The following HLCS variants were observed in gnomAD, a reference collection of about 807,000 sequenced individuals.
The protein encoded by HLCS is biotin--protein ligase.
HLCS carries 53 observed loss-of-function variants against 75.0 expected under a neutral mutation model. The ratio of observed to expected loss-of-function variants is 0.71; its 90% CI spans 0.57 to 0.89. The LOEUF (loss-of-function observed/expected upper bound fraction) is 0.89. HLCS is among the 40% of genes least tolerant of loss of function. HLCS has a pLI of 0.00. For synonymous variants in HLCS, 431 were observed against 428.6 expected (o/e 1.01, Z -0.07); for missense variants, 966 against 1,074.0 (o/e 0.90, Z 1.41).
intron 6 of HLCS, among the ~76,000 whole-genome samples, chr21:36,848,043 A>G (rs1374501670): frequency 6.6e-6 from 1 of 152,200 alleles, no homozygotes; most frequent in Non-Finnish European, 1.5e-5. Context: ...CACCAAGAAC[A>G]GCTTCTATTT....
At chr21:36,936,326 C>T (rs2066875287) in intron 4 of HLCS, 123 bp downstream of exon 4, 1 of 911,604 alleles carries the variant, frequency 1.1e-6, no homozygotes, top group African/African-American at 1.6e-5. Flanking sequence ...AGCCAATAGT[C>T]AAAAACAGCC....
intron 6 of HLCS, among the ~76,000 whole-genome samples, chr21:36,801,931 G>T (rs2061215569): frequency 6.6e-6 from 1 of 151,904 alleles, no homozygotes; most frequent in Non-Finnish European, 1.5e-5. Context: ...ACTGCATTCA[G>T]CATTGATCTT....
chr21:36,765,021 G>C lies in HLCS; in HGVS notation c.2112C>G (p.Pro704=), dbSNP rs762221640. 3 of 1,614,056 alleles carry C rather than the reference G, an allele frequency of 1.9e-6. No individual in the cohort carries two copies. The highest frequency in any genetic ancestry group is 1.7e-6 in the Non-Finnish European group (2 of 1,180,030). The change falls in exon 8 of 11, where the codon CCC becomes CCG. Residue 704 remains proline (P), a synonymous_variant. Coordinates refer to ENST00000674895, the MANE Select transcript of HLCS (RefSeq NM_001352514.2). ...VAVVEAVRSI[P]EYQDINLRVK... ...ACTGAACTGTACCTACCTGATACTC[G>C]GGAATGGACCTCACTGCTTCCACGA...
In HLCS at chr21:36,749,678, G is replaced by T. The variant is rs561170976; in HGVS notation, c.*4568C>A. 1 of 152,132 alleles carries T rather than the reference G, an allele frequency of 6.6e-6. No homozygotes were observed. Among genetic ancestry groups the T allele is most frequent in the Non-Finnish European group, 1.5e-5 (1 of 68,020 alleles). 9.4% of individuals were successfully genotyped at this position (152,132 alleles called of 1,614,324 possible). A position where few individuals can be genotyped will look rare whatever the true frequency, so the allele number is the denominator to read the frequency against. ...TGAGTGTGTGCACAGGAAATAAGCC[G>T]AGGGTATTATTTTTTTATGTTCATG... On this transcript the variant is annotated 3_prime_UTR_variant, in exon 11 of 11. Coordinates refer to ENST00000674895, the MANE Select transcript of HLCS (RefSeq NM_001352514.2).
At chr21:36,826,965 CAAA>C (rs978876111) in intron 6 of HLCS, among the ~76,000 whole-genome samples, 3 of 152,018 alleles carry the variant, frequency 2.0e-5, no homozygotes, top group African/African-American at 7.3e-5. Flanking sequence ...GCAAAAGAAA[CAAA>C]GAAGAGCAGA....
chr21:36,893,414 CCACA>C (rs2064874923), intron 6 of HLCS, among the ~76,000 whole-genome samples: 1 of 152,134 alleles, frequency 6.6e-6, no homozygotes, highest in Non-Finnish European at 1.5e-5. Flanking sequence ...AGGAACAATT[CCACA>C]CACAGTAAAT....
intron 8 of HLCS, among the ~76,000 whole-genome samples, chr21:36,764,155 T>C (rs1298204620): frequency 6.6e-6 from 1 of 152,140 alleles, no homozygotes; most frequent in East Asian, 1.9e-4. Flanking sequence ...TCCCAACACT[T>C]TGGGAGGCTG....
At chr21:36,772,065 C>A (rs1433520429) in intron 6 of HLCS, among the ~76,000 whole-genome samples, 1 of 151,000 alleles carries the variant, frequency 6.6e-6, no homozygotes, top group African/African-American at 2.4e-5. Flanking sequence ...GGGGAGTGAA[C>A]ATATTTGAAA....
chr21:36,880,952 GTTTT>G (rs1046571577), intron 6 of HLCS, among the ~76,000 whole-genome samples: 9 of 134,690 alleles, frequency 6.7e-5, no homozygotes, highest in African/African-American at 1.9e-4. Flanking sequence ...CCAGCAGAGA[GTTTT>G]TGTTTGTTTG....
intron 4 of HLCS, among the ~76,000 whole-genome samples, chr21:36,933,072 G>T (rs2066719051): frequency 6.6e-6 from 1 of 151,452 alleles, no homozygotes; most frequent in African/African-American, 2.4e-5. Flanking sequence ...GAGCTGAGAT[G>T]GTGCCAGTGC....
At chr21:36,791,505 G>A (rs1454658145) in intron 6 of HLCS, among the ~76,000 whole-genome samples, 1 of 152,188 alleles carries the variant, frequency 6.6e-6, no homozygotes, top group Non-Finnish European at 1.5e-5. Flanking sequence ...GGGAGCCAGA[G>A]AGGAGAAAAA....
intron 6 of HLCS, among the ~76,000 whole-genome samples, chr21:36,808,149 T>C (rs910197967): frequency 2.0e-5 from 3 of 152,172 alleles, no homozygotes; most frequent in Non-Finnish European, 4.4e-5. Context: ...CTATGTTACA[T>C]GGGTGACTAT....
At chr21:36,780,490 T>C (rs2060494272) in intron 6 of HLCS, among the ~76,000 whole-genome samples, 1 of 152,080 alleles carries the variant, frequency 6.6e-6, no homozygotes, top group Non-Finnish European at 1.5e-5. Flanking sequence ...AGTGCTGGGA[T>C]TACAGGCATA....
intron 6 of HLCS, among the ~76,000 whole-genome samples, chr21:36,790,128 T>A (rs529209137): frequency 6.6e-6 from 1 of 152,176 alleles, no homozygotes; most frequent in Admixed American, 6.5e-5. Context: ...GTTTTGGGCC[T>A]GGCGCAGTGG....
chr21:36,808,391 C>T (rs989832697), intron 6 of HLCS, among the ~76,000 whole-genome samples: 1 of 152,126 alleles, frequency 6.6e-6, no homozygotes, highest in Admixed American at 6.5e-5. Flanking sequence ...CATTTCCTGT[C>T]TTTAAAAAAT....
intron 5 of HLCS, among the ~76,000 whole-genome samples, chr21:36,927,070 T>C (rs1433564301): frequency 6.6e-6 from 1 of 152,152 alleles, no homozygotes; most frequent in Non-Finnish European, 1.5e-5. Context: ...CGGAGATAGG[T>C]GTGTGGTAAA....
intron 1 of HLCS, among the ~76,000 whole-genome samples, chr21:36,982,547 C>G (rs1158988757): frequency 6.6e-6 from 1 of 152,162 alleles, no homozygotes; most frequent in Non-Finnish European, 1.5e-5. Flanking sequence ...CTGATTTTCA[C>G]AAACTGTCTT....
intron 1 of HLCS, among the ~76,000 whole-genome samples, chr21:36,973,069 CA>C (rs1171340481): frequency 1.5e-5 from 2 of 133,434 alleles, no homozygotes; most frequent in Admixed American, 1.6e-4. Context: ...AAAAACAAAA[CA>C]TTTTTTTAAA....
At chr21:36,949,488 G>C (rs1204854386) in intron 2 of HLCS, among the ~76,000 whole-genome samples, 1 of 152,212 alleles carries the variant, frequency 6.6e-6, no homozygotes, top group African/African-American at 2.4e-5. Flanking sequence ...AGCCCAGATG[G>C]AGGCTCCAAG....
Sources: gnomAD v4.1 joint callset for allele counts (sites outside exome capture counted in the v4.1 genomes callset) on GRCh38, gnomAD v4.1.1 for gene constraint, MANE v1.5 for transcripts, NCBI Gene and HGNC (gene_info 2026-07-23, HGNC 2026-07-21) for gene names.